Variants in PTPRK observed in about 807,000 individuals in gnomAD.
The protein encoded by PTPRK is protein tyrosine phosphatase receptor type K, also known as receptor-type tyrosine-protein phosphatase kappa.
In PTPRK, 75 loss-of-function variants were observed where a neutral mutation model predicts 178.0. The observed-to-expected ratio is 0.42, with a 90% CI of 0.35 to 0.51. The LOEUF is 0.51. PTPRK is among the 20% of genes least tolerant of loss of function. The pLI is 0.02. For missense variants in PTPRK, 1,441 were observed against 1,797.8 expected (o/e 0.80, Z 3.59); for synonymous variants, 637 against 620.6 (o/e 1.03, Z -0.39).
chr6:128,006,453 AG>A (rs1348270037), intron 14 of PTPRK, among the ~76,000 whole-genome samples: 1 of 150,990 alleles, frequency 6.6e-6, no homozygotes. Flanking sequence ...ATTTTTCTTT[AG>A]ATACAAAACA....
In PTPRK at chr6:128,236,652, T is replaced by C. The variant is rs144293492; in HGVS notation, c.693+3383A>G. Among the ~76,000 whole-genome samples the C allele has an allele frequency of 4.7e-3, 712 of 152,276 alleles. 4 individuals are homozygous for C. Among genetic ancestry groups the C allele is most frequent in the African/African-American group, 0.016 (673 of 41,568 alleles). Reference sequence around the variant, plus strand: ...GTGAGCCACTGCGCCCGACCCTAAATTTCTTTTAGTGCATAAATGTACCGC... The same window carrying C: ...GTGAGCCACTGCGCCCGACCCTAAACTTCTTTTAGTGCATAAATGTACCGC... On this transcript the variant is annotated intron_variant, in intron 5 of 29. Coordinates refer to ENST00000368226, the MANE Select transcript of PTPRK (RefSeq NM_002844.4).
chr6:128,380,539 TACAC>T (rs59409813), intron 2 of PTPRK, among the ~76,000 whole-genome samples: 1 of 145,984 alleles, frequency 6.9e-6, no homozygotes, highest in Non-Finnish European at 1.5e-5. Flanking sequence ...CACACAGACA[TACAC>T]ACACACACAC....
intron 2 of PTPRK, among the ~76,000 whole-genome samples, chr6:128,376,662 T>C (rs536390437): frequency 6.6e-6 from 1 of 152,316 alleles, no homozygotes; most frequent in Admixed American, 6.5e-5. Context: ...TTCTTTTCTA[T>C]CACATTGTCA....
intron 3 of PTPRK, among the ~76,000 whole-genome samples, chr6:128,313,866 C>T (rs372952016): frequency 3.9e-5 from 6 of 152,084 alleles, no homozygotes; most frequent in African/African-American, 1.4e-4. Context: ...ATGGGAAGCA[C>T]GTACAAGATG....
chr6:128,034,335 C>T (rs1220180807), intron 13 of PTPRK, among the ~76,000 whole-genome samples: 1 of 152,148 alleles, frequency 6.6e-6, no homozygotes, highest in Non-Finnish European at 1.5e-5. Context: ...GTATTCAAAT[C>T]GATGACCAAT....
chr6:128,473,592 T>G (rs1176950934), intron 1 of PTPRK, among the ~76,000 whole-genome samples: 1 of 151,972 alleles, frequency 6.6e-6, no homozygotes, highest in Non-Finnish European at 1.5e-5. Context: ...CCTAATTGAT[T>G]TTTACGATCA....
At chr6:128,290,022 T>C (rs1380346138) in intron 3 of PTPRK, among the ~76,000 whole-genome samples, 1 of 152,132 alleles carries the variant, frequency 6.6e-6, no homozygotes, top group Non-Finnish European at 1.5e-5. Context: ...TGGAAAACCA[T>C]TCCATTTTTA....
chr6:128,217,780 C>T (rs1025616298), intron 6 of PTPRK, among the ~76,000 whole-genome samples: 1 of 152,076 alleles, frequency 6.6e-6, no homozygotes, highest in African/African-American at 2.4e-5. Context: ...AACTTTCTCT[C>T]AACCTTCAGA....
At chr6:128,314,273 C>A (rs1169211626) in intron 3 of PTPRK, among the ~76,000 whole-genome samples, 2 of 152,086 alleles carry the variant, frequency 1.3e-5, no homozygotes, top group Non-Finnish European at 2.9e-5. Flanking sequence ...ATTTTCTCCC[C>A]CACTGGCTCT....
intron 3 of PTPRK, among the ~76,000 whole-genome samples, chr6:128,287,935 T>C (rs573667482): frequency 6.6e-6 from 1 of 152,330 alleles, no homozygotes; most frequent in African/African-American, 2.4e-5. Flanking sequence ...GTGGCTACTG[T>C]CCAAACATTC....
rs1777495696 is a variant in PTPRK at position 127,999,023 on chromosome 6, T to C, written c.2495-119A>G. 1.0e-4 allele frequency: 92 copies of C among 895,078 alleles called. 1 individual carries two copies. In the South Asian group the frequency reaches 2.0e-3, roughly 19 times the overall value. 55.4% of individuals were successfully genotyped at this position (895,078 alleles called of 1,614,324 possible). On this transcript the variant is annotated intron_variant, in intron 15 of 29. Coordinates refer to ENST00000368226, the MANE Select transcript of PTPRK (RefSeq NM_002844.4). ...ATCTTTCTGATAACAAGAGGAATTCTGGGAAAGAAATATCATACAGTATAG... is the reference window on the plus strand; with the variant it reads ...ATCTTTCTGATAACAAGAGGAATTCCGGGAAAGAAATATCATACAGTATAG...
chr6:127,999,894 G>A (rs1777600769), intron 15 of PTPRK: 1 of 827,730 alleles, frequency 1.2e-6, no homozygotes, highest in Non-Finnish European at 1.5e-6. Flanking sequence ...TTAAGCGTAA[G>A]TCCCTTCCCA....
At chr6:128,103,834 A>C (rs896769464) in intron 7 of PTPRK, among the ~76,000 whole-genome samples, 1 of 152,122 alleles carries the variant, frequency 6.6e-6, no homozygotes, top group Non-Finnish European at 1.5e-5. Flanking sequence ...GTCTTCCCAC[A>C]GTTTGTTACA....
intron 7 of PTPRK, among the ~76,000 whole-genome samples, chr6:128,141,074 C>T (rs1458279619): frequency 6.6e-6 from 1 of 151,870 alleles, no homozygotes; most frequent in Non-Finnish European, 1.5e-5. Flanking sequence ...TTGATTTCTT[C>T]ATTGGTGAGA....
At chr6:128,447,945 G>T (rs186226540) in intron 1 of PTPRK, among the ~76,000 whole-genome samples, 1 of 152,146 alleles carries the variant, frequency 6.6e-6, no homozygotes, top group South Asian at 2.1e-4. Context: ...GATAAGAAAC[G>T]CCTGTAGCAC....
At chr6:128,110,326 C>A (rs1790441729) in intron 7 of PTPRK, among the ~76,000 whole-genome samples, 1 of 152,042 alleles carries the variant, frequency 6.6e-6, no homozygotes, top group Non-Finnish European at 1.5e-5. Context: ...CATCAATGAA[C>A]AATGCTAGAC....
At chr6:128,514,809 C>T (rs1646471968) in intron 1 of PTPRK, among the ~76,000 whole-genome samples, 1 of 152,100 alleles carries the variant, frequency 6.6e-6, no homozygotes, top group Non-Finnish European at 1.5e-5. Flanking sequence ...CCAGTGTTTT[C>T]CCAGAACCTC....
chr6:128,124,993 C>T (rs916799204), intron 7 of PTPRK, among the ~76,000 whole-genome samples: 1 of 152,208 alleles, frequency 6.6e-6, no homozygotes, highest in Non-Finnish European at 1.5e-5. Context: ...TGTTCTCAAA[C>T]CTGCTAAACT....
intron 2 of PTPRK, among the ~76,000 whole-genome samples, chr6:128,372,146 A>G (rs747642341): frequency 4.6e-5 from 7 of 152,028 alleles, no homozygotes; most frequent in Non-Finnish European, 7.4e-5. Flanking sequence ...TCTAGCCCCA[A>G]CTTCTCGTTC....
Sources: allele counts gnomAD v4.1 joint callset (sites outside exome capture counted in the v4.1 genomes callset), GRCh38; gene constraint gnomAD v4.1.1; transcripts MANE v1.5; gene names NCBI Gene and HGNC (gene_info 2026-07-23, HGNC 2026-07-21).